The following FXYD7 variants were observed in gnomAD, a reference collection of about 807,000 sequenced individuals.
FXYD7 encodes FXYD domain-containing ion transport regulator 7.
In FXYD7, 7 loss-of-function variants were observed where a neutral mutation model predicts 15.3. The observed-to-expected ratio is 0.46, with a 90% confidence interval of 0.26 to 0.86. The LOEUF (loss-of-function observed/expected upper bound fraction) is 0.86. Among genes scored for constraint, FXYD7 ranks in the 40% least tolerant of loss-of-function variants. FXYD7 has a pLI of 0.16. For synonymous variants in FXYD7, 39 were observed against 39.3 expected (o/e 0.99, Z 0.03); for missense variants, 78 against 100.6 (o/e 0.78, Z 0.96).
chr19:35,143,556 C>T lies in FXYD7; in HGVS notation c.31+192C>T, dbSNP rs980252344. Among the ~76,000 whole-genome samples, 1 of 152,238 alleles carries T rather than the reference C, an allele frequency of 6.6e-6. No homozygotes were observed. The highest frequency in any genetic ancestry group is 2.4e-5 in the African/African-American group (1 of 41,472). On this transcript the variant is annotated intron_variant, in intron 1 of 5. Coordinates refer to ENST00000270310, the MANE Select transcript of FXYD7 (RefSeq NM_022006.2). This position sits in a 1 kb window ranked among gnomAD's most constrained non-coding sequence, Gnocchi z 4.3. ...CCGGGTCTCTGGGACACCCCCTCCC[C>T]GGCAGGCGTCCTGTGCCAGACCTGC...
At chr19:35,151,542 G>A (rs1272843796) in intron 4 of FXYD7, 60 bp downstream of exon 4, 2 of 1,597,428 alleles carry the variant, frequency 1.3e-6, no homozygotes, top group Non-Finnish European at 1.7e-6. Context: ...TAGCAGATGG[G>A]CAGGATCCAC....
chr19:35,144,650 G>C (rs1211491365), intron 1 of FXYD7, among the ~76,000 whole-genome samples: 1 of 147,672 alleles, frequency 6.8e-6, no homozygotes, highest in Non-Finnish European at 1.5e-5. Flanking sequence ...GCGGGGGGTG[G>C]GGGGGGCTGC....
At chr19:35,144,487 G>A (rs1057358382) in intron 1 of FXYD7, among the ~76,000 whole-genome samples, 1 of 152,166 alleles carries the variant, frequency 6.6e-6, no homozygotes, top group Non-Finnish European at 1.5e-5. Context: ...GCCCAGCAAG[G>A]GTCTCCAGCA....
chr19:35,145,256 A>G (rs1364140870), intron 1 of FXYD7, among the ~76,000 whole-genome samples: 6 of 152,148 alleles, frequency 3.9e-5, no homozygotes, highest in Admixed American at 6.5e-5. Flanking sequence ...CCTTCCTGAT[A>G]TCTCTTTGGC....
chr19:35,144,772 C>T (rs1307494774), intron 1 of FXYD7, among the ~76,000 whole-genome samples: 1 of 152,084 alleles, frequency 6.6e-6, no homozygotes, highest in East Asian at 1.9e-4. Context: ...TGGCAGCAGA[C>T]GGGCAGAGGT....
intron 1 of FXYD7, among the ~76,000 whole-genome samples, chr19:35,146,297 C>G (rs2065288739): frequency 6.6e-6 from 1 of 152,164 alleles, no homozygotes; most frequent in Non-Finnish European, 1.5e-5. Flanking sequence ...CACCACCACA[C>G]CCAGCTAATT....
chr19:35,151,816 A>G, intron 5 of FXYD7, 143 bp downstream of exon 5: 1 of 714,338 alleles, frequency 1.4e-6, no homozygotes, highest in Non-Finnish European at 2.6e-6. Context: ...ACAATTCCCT[A>G]GGAAGCTGAG....
intron 1 of FXYD7, among the ~76,000 whole-genome samples, chr19:35,144,354 C>T (rs2065280870): frequency 6.6e-6 from 1 of 152,162 alleles, no homozygotes; most frequent in Admixed American, 6.5e-5. Flanking sequence ...CCATTCCACA[C>T]CAATTAACCC....
intron 1 of FXYD7, among the ~76,000 whole-genome samples, chr19:35,144,821 C>T (rs2065283380): frequency 6.6e-6 from 1 of 152,168 alleles, no homozygotes. Context: ...CTCTGCCTCC[C>T]CCTTTCCCAG....
chr19:35,148,901 G>C (rs1416239463), intron 2 of FXYD7, 178 bp downstream of exon 2: 1 of 741,582 alleles, frequency 1.3e-6, no homozygotes, highest in South Asian at 1.4e-5. Context: ...ACCAGATGGG[G>C]GAGTGGGGAT....
chr19:35,149,213 C>A (rs540659715), intron 2 of FXYD7: 4 of 360,652 alleles, frequency 1.1e-5, no homozygotes, highest in East Asian at 7.4e-5. Context: ...ATAAGCTACC[C>A]CAGGCCTGGT....
At chr19:35,147,489 G>C (rs1047783398) in intron 1 of FXYD7, among the ~76,000 whole-genome samples, 24 of 152,178 alleles carry the variant, frequency 1.6e-4, no homozygotes, top group African/African-American at 5.6e-4. Context: ...CATGATTAGG[G>C]TCCAGGAAGG....
intron 5 of FXYD7, among the ~76,000 whole-genome samples, chr19:35,152,969 C>CGGGAGGGG (rs2065318685): frequency 1.1e-5 from 1 of 93,402 alleles, no homozygotes; most frequent in African/African-American, 4.0e-5. Context: ...AAAAAAAATG[C>CGGGAGGGG]GGGAGGGGGA....
intron 5 of FXYD7, 117 bp downstream of exon 5, chr19:35,151,790 C>A: frequency 1.3e-6 from 1 of 771,462 alleles, no homozygotes; most frequent in South Asian, 1.4e-5. Context: ...GGGGTGGTGC[C>A]TGCAGATATC....
chr19:35,148,073 AAGAAAGAAAGAAAGAAAGAAAGAG>A (rs1344144684), intron 1 of FXYD7, among the ~76,000 whole-genome samples: 25 of 135,880 alleles, frequency 1.8e-4, no homozygotes, highest in African/African-American at 7.0e-4. Context: ...GAAAGAAAGA[AAGAAAGAAAGAAAGAAAGAAAGAG>A]AGAGAGAAAG....
chr19:35,153,901 T>TGGC lies in FXYD7; in HGVS notation c.236_238dup (p.Gly79dup), dbSNP rs1482635370. The TGGC allele has an allele frequency of 1.2e-6, 2 of 1,612,684 alleles. No individual in the cohort carries two copies. The highest frequency in any genetic ancestry group is 1.7e-6 in the Non-Finnish European group (2 of 1,179,266). ...CACCCCCTCTCTCCCCAGCCCCTGGTGGCGGCGGCGTGTAACACCTTCCCG... is the reference window on the plus strand; with the variant it reads ...CACCCCCTCTCTCCCCAGCCCCTGGTGGCGGCGGCGGCGTGTAACACCTTCCCG... On this transcript the variant is annotated inframe_insertion, in exon 6 of 6. Coordinates refer to ENST00000270310, the MANE Select transcript of FXYD7 (RefSeq NM_022006.2).
At chr19:35,151,929 A>C (rs1028495983) in intron 5 of FXYD7, among the ~76,000 whole-genome samples, 1 of 152,026 alleles carries the variant, frequency 6.6e-6, no homozygotes, top group African/African-American at 2.4e-5. Context: ...ACCTGAGGTC[A>C]GGAGATCGAG....
chr19:35,145,659 A>G (rs182332929), intron 1 of FXYD7, among the ~76,000 whole-genome samples: 93 of 152,328 alleles, frequency 6.1e-4, no homozygotes, highest in Non-Finnish European at 1.1e-3. Context: ...AGCACAAGGG[A>G]CCCTGAAGCA....
chr19:35,151,623 G>A lies in FXYD7; in HGVS notation c.180-10G>A, dbSNP rs964399170. The A allele has an allele frequency of 6.2e-7, 1 of 1,612,208 alleles. No homozygotes were observed. Among genetic ancestry groups the A allele is most frequent in the Admixed American group, 1.7e-5 (1 of 60,016 alleles). On this transcript the variant is annotated splice_polypyrimidine_tract_variant and intron_variant, in intron 4 of 5. Coordinates refer to ENST00000270310, the MANE Select transcript of FXYD7 (RefSeq NM_022006.2). ...CTTTCTACTTTTCTCTCTCATCTCTGCCTCCACAGCCCAACCTGCAAATCC... is the reference window on the plus strand; with the variant it reads ...CTTTCTACTTTTCTCTCTCATCTCTACCTCCACAGCCCAACCTGCAAATCC...
Sources: gnomAD v4.1 joint callset for allele counts (sites outside exome capture counted in the v4.1 genomes callset) on GRCh38, gnomAD v4.1.1 for gene constraint, Gnocchi (gnomAD v3.1) non-coding constraint, MANE v1.5 for transcripts, NCBI Gene and HGNC (gene_info 2026-07-23, HGNC 2026-07-21) for gene names.